Variants in DCT observed in about 807,000 individuals in gnomAD.
The protein encoded by DCT is L-dopachrome tautomerase.
Under a neutral mutation model 53.0 loss-of-function variants are expected in DCT, and 47 were observed. The observed-to-expected ratio is 0.89, with a 90% confidence interval of 0.70 to 1.13. The LOEUF (loss-of-function observed/expected upper bound fraction) is 1.13, where lower values mean the gene tolerates loss of function less well. Ranked by LOEUF, DCT falls within the 50% of genes most tolerant of loss-of-function variation. The pLI, the probability that DCT is intolerant of heterozygous loss-of-function variation, is 0.00. For synonymous variants in DCT, 244 were observed against 237.0 expected, an observed-to-expected ratio of 1.03 and a Z score of -0.27; for missense variants, 669 against 637.4, an observed-to-expected ratio of 1.05 and a Z score of -0.53.
At chr13:94,460,585 A>G (rs1256058298) in intron 5 of DCT, among the ~76,000 whole-genome samples, 3 of 152,124 alleles carry the variant, frequency 2.0e-5, no homozygotes, top group Non-Finnish European at 2.9e-5. Context: ...CTTTTATTTA[A>G]CATATAATCT....
At chr13:94,482,221 C>T (rs907298153), upstream of DCT, among the ~76,000 whole-genome samples, 3 of 152,170 alleles carry the variant, frequency 2.0e-5, no homozygotes, top group African/African-American at 7.2e-5. Flanking sequence ...GTGGCTGGAA[C>T]ATTTTTCTTT....
intron 4 of DCT, 94 bp downstream of exon 4, chr13:94,465,539 A>G: frequency 8.6e-7 from 1 of 1,159,364 alleles, no homozygotes; most frequent in Non-Finnish European, 1.2e-6. Flanking sequence ...CACCACATGC[A>G]TAAGAAACAG....
At chr13:94,518,622 C>T in the DCT span, among the ~76,000 whole-genome samples, 95 of 152,316 alleles carry the variant, frequency 6.2e-4, 1 homozygote, top group African/African-American at 2.2e-3. Context: ...ATGTAATATT[C>T]AATTCACTGT....
intron 6 of DCT, among the ~76,000 whole-genome samples, chr13:94,453,229 A>AC: frequency 6.6e-6 from 1 of 152,224 alleles, no homozygotes; most frequent in South Asian, 2.1e-4. Context: ...TTGAGTAGTC[A>AC]CAGATTTTGG....
At chr13:94,466,103 T>C (rs1003494411) in intron 3 of DCT, among the ~76,000 whole-genome samples, 2 of 146,428 alleles carry the variant, frequency 1.4e-5, no homozygotes, top group Admixed American at 6.9e-5. Context: ...CTAGAAGACA[T>C]TGTGCCAACT....
chr13:94,439,561 T>C lies in DCT; in HGVS notation c.*337A>G, dbSNP rs1020243304. 1.8e-5 allele frequency: 2 copies of C among 113,638 alleles called. No homozygotes were observed. Among genetic ancestry groups the C allele is most frequent in the African/African-American group, 9.0e-5 (2 of 22,208 alleles). 7.0% of individuals were successfully genotyped at this position (113,638 alleles called of 1,614,324 possible). On this transcript the variant is annotated 3_prime_UTR_variant, in exon 8 of 8. Coordinates refer to ENST00000377028, the MANE Select transcript of DCT (RefSeq NM_001922.5). ...AATTTAAATGACTCCCCTGGATCAA[T>C]GTTTTGGGATTTTTTTTGTTTTTTT...
rs144520356 is a variant in DCT at position 94,469,180 on chromosome 13, C to T, written c.296-135G>A. ...ACAAAGGCAAAGAAAGTCAATTTTC[C>T]TCCCATGGTCTCCTCTTAAATGTTT... On this transcript the variant is annotated intron_variant, in intron 1 of 7. Transcript: ENST00000377028. The T allele has an allele frequency of 7.9e-4, 537 of 682,988 alleles. 1 individual carries two copies. The African/African-American group carries it at 8.8e-3, about 11-fold the overall frequency. 42.3% of individuals were successfully genotyped at this position (682,988 alleles called of 1,614,324 possible).
the DCT span, among the ~76,000 whole-genome samples, chr13:94,509,916 C>A: frequency 2.3e-3 from 357 of 152,288 alleles, 1 homozygote; most frequent in African/African-American, 8.4e-3. Flanking sequence ...ATTGGCCAGG[C>A]ACTCAATAGC....
intron 4 of DCT, 67 bp from the exon 5 acceptor site, chr13:94,462,256 C>T: frequency 7.0e-6 from 9 of 1,288,070 alleles, no homozygotes; most frequent in African/African-American, 1.5e-5. Flanking sequence ...GTCTGTAATC[C>T]CAGCACTTTG....
At chr13:94,503,158 G>T in the DCT span, among the ~76,000 whole-genome samples, 1 of 152,012 alleles carries the variant, frequency 6.6e-6, no homozygotes, top group Non-Finnish European at 1.5e-5. Context: ...GGCATGGATT[G>T]CTTGAGTCCA....
intron 6 of DCT, among the ~76,000 whole-genome samples, chr13:94,451,902 T>C (rs1304673748): frequency 4.6e-5 from 7 of 151,284 alleles, no homozygotes; most frequent in African/African-American, 1.5e-4. Context: ...TAATTCTGAC[T>C]TTTTTGAATA....
the DCT span, among the ~76,000 whole-genome samples, chr13:94,513,659 C>A: frequency 2.0e-5 from 3 of 151,910 alleles, no homozygotes; most frequent in Non-Finnish European, 4.4e-5. Context: ...CTACTCAGTT[C>A]CCAGAGAGTT....
chr13:94,467,173 A>G (rs1028806), intron 2 of DCT: 27,434 of 152,364 alleles, frequency 0.18, 2,623 homozygotes, highest in Non-Finnish European at 0.2. Flanking sequence ...TGCCTCACCC[A>G]TCAATCTGTT....
In DCT at chr13:94,468,750, TAATG is replaced by T; in HGVS notation, c.587_590del (p.Thr196AsnfsTer2). The T allele has an allele frequency of 6.2e-7, 1 of 1,612,418 alleles. No individual in the cohort carries two copies. The highest frequency in any genetic ancestry group is 8.5e-7 in the Non-Finnish European group (1 of 1,178,892). On this transcript the variant is annotated frameshift_variant, in exon 2 of 8. Coordinates refer to ENST00000377028, the MANE Select transcript of DCT (RefSeq NM_001922.5). LOFTEE classifies it high-confidence loss of function. ...TCAGCCAAGGAAAAAACCCACCTAATAATGTATCTCTAACAGAATAATAATGGAG... is the reference window on the plus strand; with the variant it reads ...TCAGCCAAGGAAAAAACCCACCTAATTATCTCTAACAGAATAATAATGGAG...
chr13:94,448,592 A>C (rs944787566), intron 6 of DCT, among the ~76,000 whole-genome samples: 1 of 152,162 alleles, frequency 6.6e-6, no homozygotes, highest in Non-Finnish European at 1.5e-5. Context: ...AGGAAACAAA[A>C]GCAAAAGTTA....
chr13:94,514,952 G>A, the DCT span, among the ~76,000 whole-genome samples: 2 of 152,194 alleles, frequency 1.3e-5, no homozygotes, highest in Admixed American at 6.5e-5. Flanking sequence ...AAACCCCAAT[G>A]TGATGGTATT....
the DCT span, among the ~76,000 whole-genome samples, chr13:94,494,329 T>C: frequency 6.6e-6 from 1 of 152,188 alleles, no homozygotes; most frequent in African/African-American, 2.4e-5. Context: ...CCAATCTGCA[T>C]CCTTTCATCA....
the DCT span, among the ~76,000 whole-genome samples, chr13:94,501,656 G>GGA: frequency 6.6e-6 from 1 of 151,732 alleles, no homozygotes; most frequent in East Asian, 1.9e-4. Context: ...GAGAGAGAAA[G>GGA]GAGAGAGAGG....
At chr13:94,458,303 G>T (rs2139317846) in intron 6 of DCT, among the ~76,000 whole-genome samples, 1 of 152,210 alleles carries the variant, frequency 6.6e-6, no homozygotes, top group Non-Finnish European at 1.5e-5. Context: ...AACCCTTTCT[G>T]TCTTTTCCAA....
Sources: gnomAD v4.1 joint callset for allele counts (sites outside exome capture counted in the v4.1 genomes callset) on GRCh38, gnomAD v4.1.1 for gene constraint, MANE v1.5 for transcripts, NCBI Gene and HGNC (gene_info 2026-07-23, HGNC 2026-07-21) for gene names.